Variants in GRK2 observed in about 807,000 individuals in gnomAD.
The protein encoded by GRK2 is adrenergic beta receptor kinase 1.
A neutral mutation model predicts 97.8 loss-of-function variants in GRK2; 23 were observed. The ratio of observed to expected loss-of-function variants is 0.24; its 90% CI spans 0.17 to 0.33. GRK2 has a LOEUF of 0.33. GRK2 is among the 10% of genes least tolerant of loss of function. The probability of loss-of-function intolerance (pLI) is 1.00; values close to 1 mark genes in which losing one functional copy is unlikely to be tolerated. For synonymous variants in GRK2, 425 were observed against 381.7 expected (o/e 1.11, Z -1.32); for missense variants, 633 against 956.9 (o/e 0.66, Z 4.47).
intron 1 of GRK2, among the ~76,000 whole-genome samples, chr11:67,268,892 A>G (rs1859851087): frequency 6.6e-6 from 1 of 152,250 alleles, no homozygotes; most frequent in South Asian, 2.1e-4. Context: ...TGGCACCCCC[A>G]TGCAGTCCTG....
rs764607698 is a variant in GRK2 at position 67,285,216 on chromosome 11, AG to A, written c.1905+31del. 23 of 1,612,430 alleles carry A rather than the reference AG, an allele frequency of 1.4e-5. No individual in the cohort carries two copies. In the South Asian group the frequency reaches 2.5e-4, roughly 18 times the overall value. On this transcript the variant is annotated intron_variant, in intron 20 of 20. Transcript: ENST00000308595. ...GAGTGGGGGCTGAGCCAGGGATGGG[AG>A]GGCCGAGGGGCCAGGCCAGGCAGGC... is the stretch of plus-strand genomic sequence containing the variant.
chr11:67,285,690 G>A lies in GRK2; in HGVS notation c.*240G>A. On this transcript the variant is annotated 3_prime_UTR_variant, in exon 21 of 21. Transcript: ENST00000308595. ...CCCGCTCCCAGTGTCTTCCTGTGGG[G>A]GAAGAGCACAGCCCTCCCGCCCCTT... 1.9e-6 allele frequency: 1 copy of A among 535,212 alleles called. No individual in the cohort carries two copies. The highest frequency in any genetic ancestry group is 3.3e-6 in the Non-Finnish European group (1 of 307,368). The allele number at this position is 535,212 out of a possible 1,614,324, so 33.2% of individuals were successfully genotyped here. A position where few individuals can be genotyped will look rare whatever the true frequency, so the allele number is the denominator to read the frequency against.
Position 67,281,491 on chromosome 11 carries a change from T to A in GRK2, c.680T>A (p.Ile227Asn). 1.2e-6 allele frequency: 2 copies of A among 1,613,662 alleles called. No homozygotes were observed. The highest frequency in any genetic ancestry group is 1.7e-6 in the Non-Finnish European group (2 of 1,179,964). Residue 227 changes from isoleucine to asparagine, a missense_variant, in exon 9 of 21, where the codon ATC (isoleucine) becomes AAC (asparagine). By Grantham distance (149) the Ile-to-Asn change is moderately radical. Transcript: ENST00000308595. This position sits in a 1 kb window ranked among gnomAD's most constrained non-coding sequence, Gnocchi z 5.7. ...ATGAAGTGCCTGGACAAAAAGCGCA[T>A]CAAGATGAAGCAGGGGGAGACCCTG... ...YAMKCLDKKR[I>N]KMKQGETLAL...
In GRK2 at chr11:67,279,647, G is replaced by A; in HGVS notation, c.388G>A (p.Glu130Lys). 1 of 1,613,602 alleles carries A rather than the reference G, an allele frequency of 6.2e-7. No individual in the cohort carries two copies. The highest frequency in any genetic ancestry group is 8.5e-7 in the Non-Finnish European group (1 of 1,180,022). ...CCAGCCCTTCTCGAAGAGTGCCACT[G>A]AGCATGTCCAAGGCCACCTGGGGAA... ...CSHPFSKSAT[E>K]HVQGHLGKKQ... The change falls in exon 5 of 21, where the codon GAG becomes AAG. Residue 130 changes from glutamate to lysine, a missense_variant. Around this residue, in one of 4 missense-constraint regions of GRK2, gnomAD observed 193 missense variants for 212.2 expected, o/e 0.91. Transcript: ENST00000308595.
chr11:67,282,579 G>T lies in GRK2; in HGVS notation c.1160+37G>T. On this transcript the variant is annotated intron_variant, in intron 13 of 20. Transcript: ENST00000308595. The surrounding 1 kb of genome is among the most constrained non-coding windows in gnomAD (Gnocchi z 6.9). ...ATCCCAGGTGGGCAGGTGGGTTGGG[G>T]CTAAGAGAAGTTCCTCCCCAATCCA... The T allele has an allele frequency of 1.3e-6, 2 of 1,598,202 alleles. No homozygotes were observed. The highest frequency in any genetic ancestry group is 1.7e-6 in the Non-Finnish European group (2 of 1,167,934).
In GRK2 at chr11:67,285,480, A is replaced by T; in HGVS notation, c.*30A>T. The T allele has an allele frequency of 6.6e-7, 1 of 1,504,350 alleles. No individual in the cohort carries two copies. The highest frequency in any genetic ancestry group is 8.9e-7 in the Non-Finnish European group (1 of 1,129,474). The allele number at this position is 1,504,350 out of a possible 1,614,324, so 93.2% of individuals were successfully genotyped here. On this transcript the variant is annotated 3_prime_UTR_variant, in exon 21 of 21. Coordinates refer to ENST00000308595, the MANE Select transcript of GRK2 (RefSeq NM_001619.5). ...CCCACCCGCCTTTTATAAACCTCTA[A>T]TTTATTTTGTCGAATTTTTATTATT...
chr11:67,282,725 C>G lies in GRK2; in HGVS notation c.1161-27C>G, dbSNP rs758397837. On this transcript the variant is annotated intron_variant, in intron 13 of 20. Transcript: ENST00000308595. The surrounding 1 kb of genome is among the most constrained non-coding windows in gnomAD (Gnocchi z 6.9). ...CCCTTTCCCCATTCCTGTCCTTTGACATTGGTTTTTGGCCTTTCTTGCCCA... is the reference window on the plus strand; with the variant it reads ...CCCTTTCCCCATTCCTGTCCTTTGAGATTGGTTTTTGGCCTTTCTTGCCCA... 2.5e-6 allele frequency: 4 copies of G among 1,610,208 alleles called. No individual in the cohort carries two copies. In the South Asian group the frequency reaches 4.4e-5, roughly 18 times the overall value.
At position 67,285,235 on chromosome 11, in the gene GRK2, A is replaced by G. The variant is rs761695364; in HGVS notation, c.1905+47A>G. The G allele has an allele frequency of 3.3e-5, 53 of 1,610,048 alleles. 2 individuals carry two copies. The South Asian group carries it at 4.4e-4, about 13-fold the overall frequency. ...GATGGGAGGGCCGAGGGGCCAGGCCAGGCAGGCTGGGGAGAGCCCCAGCTG... is the reference window on the plus strand; with the variant it reads ...GATGGGAGGGCCGAGGGGCCAGGCCGGGCAGGCTGGGGAGAGCCCCAGCTG... On this transcript the variant is annotated intron_variant, in intron 20 of 20. Transcript: ENST00000308595.
In GRK2 at chr11:67,286,388, G is replaced by A. The variant is rs1402516077; in HGVS notation, c.*938G>A. ...CCTCGCCCACCGCATGCCCCCTCGT[G>A]CCAGTCGCGCTGCCTGTGTGGTGTC... On this transcript the variant is annotated 3_prime_UTR_variant, in exon 21 of 21. Coordinates refer to ENST00000308595, the MANE Select transcript of GRK2 (RefSeq NM_001619.5). The A allele has an allele frequency of 4.3e-6, 3 of 699,996 alleles. No individual in the cohort carries two copies. Among genetic ancestry groups the A allele is most frequent in the Non-Finnish European group, 7.8e-6 (3 of 383,828 alleles). 43.4% of individuals were successfully genotyped at this position (699,996 alleles called of 1,614,324 possible). A position where few individuals can be genotyped will look rare whatever the true frequency, so the allele number is the denominator to read the frequency against.
Position 67,266,685 on chromosome 11 carries a change from A to C in GRK2, c.-15A>C. On this transcript the variant is annotated 5_prime_UTR_variant, in exon 1 of 21. Transcript: ENST00000308595. ...GGCGGCGGCGGCGGCGGGAGGAGGC[A>C]GCGCCGCCGCCAAGATGGCGGACCT... 61 of 1,110,194 alleles carry C rather than the reference A, an allele frequency of 5.5e-5. No individual in the cohort carries two copies. The highest frequency in any genetic ancestry group is 2.5e-4 in the East Asian group (5 of 20,060). 68.8% of individuals were successfully genotyped at this position (1,110,194 alleles called of 1,614,324 possible).
In GRK2 at chr11:67,281,428, T is replaced by C. The variant is rs1476992692; in HGVS notation, c.648-31T>C. On this transcript the variant is annotated intron_variant, in intron 8 of 20. Coordinates refer to ENST00000308595, the MANE Select transcript of GRK2 (RefSeq NM_001619.5). This position sits in a 1 kb window ranked among gnomAD's most constrained non-coding sequence, Gnocchi z 5.7. The stretch of plus-strand genomic sequence containing the variant: ...CAGCCCTGGGCCCCTGCTCTGAGGG[T>C]GGGTGTTGACTGCCGACCTCTGCCC... 6.3e-7 allele frequency: 1 copy of C among 1,593,100 alleles called. No individual in the cohort carries two copies. Among genetic ancestry groups the C allele is most frequent in the Non-Finnish European group, 8.6e-7 (1 of 1,162,664 alleles).
chr11:67,277,839 C>T (rs563599570), intron 2 of GRK2, among the ~76,000 whole-genome samples: 5 of 152,374 alleles, frequency 3.3e-5, no homozygotes, highest in Non-Finnish European at 7.4e-5. Flanking sequence ...GTGACCCACC[C>T]TGCGGACCTG....
At position 67,284,999 on chromosome 11, in the gene GRK2, G is replaced by A. The variant is rs780704827; in HGVS notation, c.1791+16G>A. The stretch of plus-strand genomic sequence containing the variant: ...CGAGGCCCCGGTAAGGAGCCCGTGC[G>A]GGGGTCCGGGAGCCGGGCTTCCGGG... On this transcript the variant is annotated intron_variant, in intron 19 of 20. Transcript: ENST00000308595. 21 of 1,611,600 alleles carry A rather than the reference G, an allele frequency of 1.3e-5. No homozygotes were observed. Among genetic ancestry groups the A allele is most frequent in the South Asian group, 2.2e-5 (2 of 91,028 alleles).
intron 1 of GRK2, among the ~76,000 whole-genome samples, chr11:67,272,362 G>T (rs1327628854): frequency 6.6e-6 from 1 of 152,148 alleles, no homozygotes; most frequent in Non-Finnish European, 1.5e-5. Flanking sequence ...CTCGGAGCAC[G>T]TGGCCCAGCC....
chr11:67,283,848 C>T lies in GRK2; in HGVS notation c.1396-6C>T, dbSNP rs1161281577. 1.9e-6 allele frequency: 3 copies of T among 1,612,818 alleles called. No homozygotes were observed. Among genetic ancestry groups the T allele is most frequent in the Non-Finnish European group, 2.5e-6 (3 of 1,179,598 alleles). ...GCTAATGCCCATGACCCCTGTTCTG[C>T]TGCAGTACCCTCCCCCGCTGATCCC... On this transcript the variant is annotated splice_polypyrimidine_tract_variant and splice_region_variant and intron_variant, in intron 16 of 20. Transcript: ENST00000308595.
At position 67,281,989 on chromosome 11, in the gene GRK2, G is replaced by A. The variant is rs1447418439; in HGVS notation, c.957+37G>A. On this transcript the variant is annotated intron_variant, in intron 11 of 20. Transcript: ENST00000308595. This position sits in a 1 kb window ranked among gnomAD's most constrained non-coding sequence, Gnocchi z 5.7. Reference sequence around the variant, plus strand: ...TGCTGTCCCCAGGCTGGACCTCCGTGGCTGTCCTCTCCTTCCTCTCGACAT... The same window carrying A: ...TGCTGTCCCCAGGCTGGACCTCCGTAGCTGTCCTCTCCTTCCTCTCGACAT... 6.2e-7 allele frequency: 1 copy of A among 1,611,896 alleles called. No homozygotes were observed. Among genetic ancestry groups the A allele is most frequent in the Non-Finnish European group, 8.5e-7 (1 of 1,179,202 alleles).
intron 1 of GRK2, among the ~76,000 whole-genome samples, chr11:67,275,738 A>AC (rs1860016000): frequency 6.7e-6 from 1 of 148,154 alleles, no homozygotes; most frequent in South Asian, 2.2e-4. Flanking sequence ...ACGTCTACCG[A>AC]CCCCCCTGGC....
chr11:67,274,330 A>G (rs1859976750), intron 1 of GRK2, among the ~76,000 whole-genome samples: 1 of 151,462 alleles, frequency 6.6e-6, no homozygotes, highest in Non-Finnish European at 1.5e-5. Flanking sequence ...CCATTTTTGC[A>G]GGCTCCTAAG....
In GRK2 at chr11:67,282,107, T is replaced by C. The variant is rs1860165517; in HGVS notation, c.957+155T>C. 7 of 1,265,496 alleles carry C rather than the reference T, an allele frequency of 5.5e-6. No individual in the cohort carries two copies. The Admixed American group carries it at 8.0e-5, about 15-fold the overall frequency. 78.4% of individuals were successfully genotyped at this position (1,265,496 alleles called of 1,614,324 possible). A position where few individuals can be genotyped will look rare whatever the true frequency, so the allele number is the denominator to read the frequency against. ...CCCTGCCCTTCCCACCGAGCCACTCTCTGGGTCCAGGTTGTAGCTGGGGAC... is the reference window on the plus strand; with the variant it reads ...CCCTGCCCTTCCCACCGAGCCACTCCCTGGGTCCAGGTTGTAGCTGGGGAC... On this transcript the variant is annotated intron_variant, in intron 11 of 20. Coordinates refer to ENST00000308595, the MANE Select transcript of GRK2 (RefSeq NM_001619.5). This position sits in a 1 kb window ranked among gnomAD's most constrained non-coding sequence, Gnocchi z 6.9.
Sources: allele counts gnomAD v4.1 joint callset (sites outside exome capture counted in the v4.1 genomes callset), GRCh38; gene constraint gnomAD v4.1.1; regional missense constraint gnomAD v4.1.1; non-coding constraint Gnocchi (gnomAD v3.1); transcripts MANE v1.5; gene names NCBI Gene and HGNC (gene_info 2026-07-23, HGNC 2026-07-21).